CNKSR2: variants seen among roughly 807,000 people sequenced by gnomAD.
CNKSR2 encodes the protein CNK homolog protein 2.
In CNKSR2, 14 loss-of-function variants were observed where a neutral mutation model predicts 84.4. The observed-to-expected ratio is 0.17, with a 90% CI of 0.11 to 0.26. The LOEUF (loss-of-function observed/expected upper bound fraction) is 0.26. CNKSR2 is among the 10% of genes least tolerant of loss of function. The pLI, the probability that CNKSR2 is intolerant of heterozygous loss-of-function variation, is 1.00. For missense variants in CNKSR2, 485 were observed against 771.2 expected, an observed-to-expected ratio of 0.63 and a Z score of 4.40; for synonymous variants, 275 against 277.9, an observed-to-expected ratio of 0.99 and a Z score of 0.10.
chrX:21,485,086 G>A (rs773592602), intron 5 of CNKSR2, among the ~76,000 whole-genome samples: 1 of 110,917 alleles, frequency 9.0e-6, no homozygotes, highest in Non-Finnish European at 1.9e-5. Flanking sequence ...GGGAGGCTGA[G>A]GCAGGAGAAT....
At chrX:21,544,891 C>T (rs1016450088) in intron 11 of CNKSR2, among the ~76,000 whole-genome samples, 1 of 111,648 alleles carries the variant, frequency 9.0e-6, no homozygotes, top group Non-Finnish European at 1.9e-5. Context: ...TCTTCGCAAC[C>T]CACAGACTAT....
Position 21,452,290 on chromosome X carries a change from C to T in CNKSR2, c.519+11509C>T, listed in dbSNP as rs184090395. On this transcript the variant is annotated intron_variant, in intron 4 of 21. Coordinates refer to ENST00000379510, the MANE Select transcript of CNKSR2 (RefSeq NM_014927.5). ...TGTGTTTTTAGTAGAGACGGAGTTTCACCATGTTGACCAGGTTGGTCTCGA... is the reference window on the plus strand; with the variant it reads ...TGTGTTTTTAGTAGAGACGGAGTTTTACCATGTTGACCAGGTTGGTCTCGA... Among the ~76,000 whole-genome samples the T allele has an allele frequency of 8.8e-4, 98 of 110,979 alleles. No individual in the cohort carries two copies. In the South Asian group the frequency reaches 0.023, roughly 26 times the overall value.
chrX:21,604,802 A>G (rs2092506691), intron 18 of CNKSR2, among the ~76,000 whole-genome samples: 1 of 111,273 alleles, frequency 9.0e-6, no homozygotes, highest in Non-Finnish European at 1.9e-5. Context: ...GTGATTTCCC[A>G]GTAGTATTTC....
chrX:21,523,364 G>A (rs759300367), intron 9 of CNKSR2, among the ~76,000 whole-genome samples: 30 of 110,973 alleles, frequency 2.7e-4, no homozygotes, highest in Middle Eastern at 4.7e-3. Flanking sequence ...CCTTTGTATT[G>A]TATCCATTTT....
intron 13 of CNKSR2, among the ~76,000 whole-genome samples, chrX:21,573,557 C>T (rs969670878): frequency 6.2e-5 from 7 of 112,341 alleles, no homozygotes; most frequent in East Asian, 2.8e-4. Context: ...TTCTTGACTT[C>T]TGTGCACATG....
intron 5 of CNKSR2, among the ~76,000 whole-genome samples, chrX:21,472,991 A>G (rs1381056425): frequency 8.9e-6 from 1 of 111,833 alleles, no homozygotes; most frequent in African/African-American, 3.2e-5. Context: ...AAATAATTTT[A>G]AAATAATAAG....
At chrX:21,407,535 C>G (rs113701934) in intron 1 of CNKSR2, among the ~76,000 whole-genome samples, 43 of 110,737 alleles carry the variant, frequency 3.9e-4, no homozygotes, top group African/African-American at 1.3e-3. Context: ...TCACCCCCTC[C>G]TATTCAAGCA....
At chrX:21,620,937 C>T (rs2092599039) in intron 20 of CNKSR2, among the ~76,000 whole-genome samples, 1 of 111,640 alleles carries the variant, frequency 9.0e-6, no homozygotes, top group Non-Finnish European at 1.9e-5. Context: ...CCCAAGTTAG[C>T]TGGAAAGTTC....
chrX:21,394,409 A>G (rs2090092966), intron 1 of CNKSR2, among the ~76,000 whole-genome samples: 2 of 111,736 alleles, frequency 1.8e-5, no homozygotes, highest in Non-Finnish European at 3.8e-5. Context: ...CCTTTTACTA[A>G]CTTCTGTCAT....
chrX:21,652,315 G>A lies in CNKSR2; in HGVS notation c.2899G>A (p.Gly967Arg), dbSNP rs2092722871. Reference protein sequence around the residue: ...ILKSTLKAREGEVAIIDKVLD... With the variant: ...ILKSTLKAREREVAIIDKVLD... ...TCCTTTTTCTTTTCAGGCCAGAGAA[G>A]GGGAAGTAGCCATTATCGATAAAGT... The change falls in exon 22 of 22, where the codon GGG becomes AGG. Residue 967 changes from glycine (G) to arginine (R), a missense_variant. Around this residue, in one of 5 missense-constraint regions of CNKSR2, gnomAD observed 210 missense variants for 291.5 expected, o/e 0.72. Coordinates refer to ENST00000379510, the MANE Select transcript of CNKSR2 (RefSeq NM_014927.5). 8.3e-7 allele frequency: 1 copy of A among 1,203,047 alleles called. No homozygotes were observed. Among genetic ancestry groups the A allele is most frequent in the Non-Finnish European group, 1.1e-6 (1 of 888,934 alleles).
intron 11 of CNKSR2, among the ~76,000 whole-genome samples, chrX:21,560,380 A>G (rs150928656): frequency 9.0e-6 from 1 of 110,891 alleles, no homozygotes; most frequent in East Asian, 2.8e-4. Flanking sequence ...TACCAGGTAT[A>G]TGTCCTTGGG....
In CNKSR2 at chrX:21,654,346, C is replaced by T. The variant is rs933702567; in HGVS notation, c.*1825C>T. The T allele has an allele frequency of 2.0e-5, 2 of 100,286 alleles. No homozygotes were observed. The highest frequency in any genetic ancestry group is 4.0e-5 in the Non-Finnish European group (2 of 50,420). 8.3% of individuals were successfully genotyped at this position (100,286 alleles called of 1,213,427 possible). A position where few individuals can be genotyped will look rare whatever the true frequency, so the allele number is the denominator to read the frequency against. ...GTGTGCTTGTTAACAGGTGTTTAGA[C>T]TTATTGATGTTTACTAGACCAAATG... On this transcript the variant is annotated 3_prime_UTR_variant, in exon 22 of 22. Coordinates refer to ENST00000379510, the MANE Select transcript of CNKSR2 (RefSeq NM_014927.5).
chrX:21,421,185 C>T (rs762790693), intron 1 of CNKSR2, among the ~76,000 whole-genome samples: 1 of 110,158 alleles, frequency 9.1e-6, no homozygotes, highest in Non-Finnish European at 1.9e-5. Context: ...AGTTCAATGC[C>T]TCACAATTGC....
intron 2 of CNKSR2, among the ~76,000 whole-genome samples, chrX:21,430,204 G>A: frequency 9.0e-6 from 1 of 111,032 alleles, no homozygotes; most frequent in South Asian, 3.8e-4. Context: ...ATTTTTAGGA[G>A]GTTTCCAAGT....
intron 5 of CNKSR2, among the ~76,000 whole-genome samples, chrX:21,474,448 T>C (rs1336658799): frequency 8.9e-6 from 1 of 111,931 alleles, no homozygotes; most frequent in African/African-American, 3.2e-5. Flanking sequence ...CCTGCAGAAT[T>C]TGCCTTGGAA....
intron 13 of CNKSR2, among the ~76,000 whole-genome samples, chrX:21,564,338 G>A (rs918349602): frequency 5.4e-5 from 6 of 111,745 alleles, no homozygotes; most frequent in African/African-American, 1.3e-4. Flanking sequence ...AGTGCAGAGC[G>A]TCATTTGAGA....
At chrX:21,552,017 G>A (rs1157596922) in intron 11 of CNKSR2, among the ~76,000 whole-genome samples, 1 of 108,392 alleles carries the variant, frequency 9.2e-6, no homozygotes. Flanking sequence ...TTCTACAATA[G>A]ATAATCTAAT....
At chrX:21,488,737 T>C (rs1308599187) in intron 5 of CNKSR2, among the ~76,000 whole-genome samples, 2 of 111,571 alleles carry the variant, frequency 1.8e-5, no homozygotes, top group East Asian at 5.6e-4. Flanking sequence ...GAAACTGTTG[T>C]GAGGGGAAAA....
chrX:21,428,144 T>C (rs2090589222), intron 2 of CNKSR2: 1 of 112,043 alleles, frequency 8.9e-6, no homozygotes, highest in Non-Finnish European at 1.9e-5. Flanking sequence ...AAGACATCTT[T>C]GTTTAGTTCA....
Sources: gnomAD v4.1 joint callset for allele counts (sites outside exome capture counted in the v4.1 genomes callset) on GRCh38, gnomAD v4.1.1 for gene constraint, gnomAD v4.1.1 regional missense constraint, MANE v1.5 for transcripts, NCBI Gene and HGNC (gene_info 2026-07-23, HGNC 2026-07-21) for gene names.